SELENOT: variants seen among roughly 807,000 people sequenced by gnomAD.
The protein encoded by SELENOT is selenoprotein T, also known as thioredoxin reductase-like selenoprotein T.
A neutral mutation model predicts 24.3 loss-of-function variants in SELENOT; 9 were observed. The ratio of observed to expected loss-of-function variants is 0.37; its 90% CI spans 0.22 to 0.65. The LOEUF (loss-of-function observed/expected upper bound fraction) is 0.65, where lower values mean the gene tolerates loss of function less well. Ranked by LOEUF, SELENOT falls within the 30% of genes least tolerant of loss-of-function variation. The pLI, the probability that SELENOT is intolerant of heterozygous loss-of-function variation, is 0.60. For missense variants in SELENOT, 166 were observed against 247.6 expected (o/e 0.67, Z 2.21); for synonymous variants, 81 against 86.0 (o/e 0.94, Z 0.32).
chr3:150,622,364 G>T (rs1576534229), intron 1 of SELENOT, 21 bp from the exon 2 acceptor site: 2 of 1,236,574 alleles, frequency 1.6e-6, no homozygotes. Context: ...TGACTTAATG[G>T]AAACACTTAT....
At chr3:150,613,378 A>T (rs933222331) in intron 1 of SELENOT, among the ~76,000 whole-genome samples, 2 of 152,222 alleles carry the variant, frequency 1.3e-5, no homozygotes, top group African/African-American at 4.8e-5. Context: ...ATAGCACAAC[A>T]TACTTGTTAA....
At chr3:150,616,558 C>G (rs1301920734) in intron 1 of SELENOT, among the ~76,000 whole-genome samples, 3 of 151,982 alleles carry the variant, frequency 2.0e-5, no homozygotes, top group African/African-American at 7.3e-5. Flanking sequence ...ACAGACACTT[C>G]TCAAAAGAAG....
At chr3:150,611,183 T>A in intron 1 of SELENOT, 1 of 732,296 alleles carries the variant, frequency 1.4e-6, no homozygotes, top group East Asian at 2.8e-5. Flanking sequence ...GCAGAAAAAA[T>A]ACACAAAGAA....
chr3:150,622,758 A>G, intron 2 of SELENOT, among the ~76,000 whole-genome samples: 1 of 152,180 alleles, frequency 6.6e-6, no homozygotes, highest in East Asian at 1.9e-4. Flanking sequence ...AAATAGAATA[A>G]CAATCCTAAA....
chr3:150,624,852 T>C lies in SELENOT; in HGVS notation c.416T>C (p.Ile139Thr), dbSNP rs1223393927. 1.3e-6 allele frequency: 2 copies of C among 1,564,890 alleles called. No homozygotes were observed. Among genetic ancestry groups the C allele is most frequent in the Non-Finnish European group, 1.7e-6 (2 of 1,153,084 alleles). ...CMMVFFLSNM[I>T]ENQCMSTGAF... Reference sequence around the variant, plus strand: ...ATGGTTTTCTTCTTGAGCAACATGATTGAGAACCAGTGTATGTCAACAGGT... The same window carrying C: ...ATGGTTTTCTTCTTGAGCAACATGACTGAGAACCAGTGTATGTCAACAGGT... Residue 139 changes from isoleucine to threonine, a missense_variant, in exon 4 of 6, where the codon ATT becomes ACT. By Grantham distance (89) the Ile-to-Thr change is moderately conservative. Transcript: ENST00000471696.
At chr3:150,620,032 A>G (rs1409789642) in intron 1 of SELENOT, among the ~76,000 whole-genome samples, 1 of 152,234 alleles carries the variant, frequency 6.6e-6, no homozygotes, top group East Asian at 1.9e-4. Context: ...TCAGATTATT[A>G]GCTAAATTCT....
intron 1 of SELENOT, among the ~76,000 whole-genome samples, chr3:150,619,104 T>C (rs9858682): frequency 0.83 from 126,526 of 151,860 alleles, 53,339 homozygotes; most frequent in East Asian, 1. Context: ...GCCTGTAGTC[T>C]CAGCTACTGG....
chr3:150,620,595 C>T (rs561059701), intron 1 of SELENOT, among the ~76,000 whole-genome samples: 1 of 152,284 alleles, frequency 6.6e-6, no homozygotes, highest in Non-Finnish European at 1.5e-5. Flanking sequence ...TGCATAACTT[C>T]GGAAAAGTCA....
rs372307656 is a variant in SELENOT at position 150,616,841 on chromosome 3, G to A, written c.138-5544G>A. Among the ~76,000 whole-genome samples, 20 of 152,304 alleles carry A rather than the reference G, an allele frequency of 1.3e-4. No individual in the cohort carries two copies. The East Asian group carries it at 2.3e-3, about 18-fold the overall frequency. ...TTTCTTGTAGAGACGAGGTTTTACC[G>A]TGTTACTCAGGCTGGTTTCAAACTC... On this transcript the variant is annotated intron_variant, in intron 1 of 5. Coordinates refer to ENST00000471696, the MANE Select transcript of SELENOT (RefSeq NM_016275.5).
chr3:150,622,314 G>T, intron 1 of SELENOT, 71 bp from the exon 2 acceptor site: 3 of 642,062 alleles, frequency 4.7e-6, no homozygotes, highest in Non-Finnish European at 4.7e-6. Flanking sequence ...TAATTTTTAG[G>T]CTTTAACTAA....
rs776154819 is a variant in SELENOT at position 150,603,511 on chromosome 3, C to T, written c.137+12C>T. ...AAGTTCCAGATTTGGTGAGTATGTG[C>T]ACTGGGCCCCGGCCACCCCGCCGCG... On this transcript the variant is annotated intron_variant, in intron 1 of 5. Coordinates refer to ENST00000471696, the MANE Select transcript of SELENOT (RefSeq NM_016275.5). 4.4e-6 allele frequency: 7 copies of T among 1,573,058 alleles called. No homozygotes were observed. The South Asian group carries it at 6.8e-5, about 15-fold the overall frequency.
Position 150,622,380 on chromosome 3 carries a change from T to G in SELENOT, c.138-5T>G, listed in dbSNP as rs766112503. On this transcript the variant is annotated splice_region_variant and splice_polypyrimidine_tract_variant and intron_variant, in intron 1 of 5. Coordinates refer to ENST00000471696, the MANE Select transcript of SELENOT (RefSeq NM_016275.5). ...GACTTAATGGAAACACTTATTTTTC[T>G]GCAGTGTTTCCTGAGGTTATAGGCG... The G allele has an allele frequency of 7.4e-7, 1 of 1,353,744 alleles. No homozygotes were observed. The highest frequency in any genetic ancestry group is 9.8e-7 in the Non-Finnish European group (1 of 1,020,830). The allele number at this position is 1,353,744 out of a possible 1,614,324, so 83.9% of individuals were successfully genotyped here.
In SELENOT at chr3:150,627,128, A is replaced by G; in HGVS notation, c.582A>G (p.Arg194=). 6.2e-7 allele frequency: 1 copy of G among 1,613,086 alleles called. No individual in the cohort carries two copies. Among genetic ancestry groups the G allele is most frequent in the Non-Finnish European group, 8.5e-7 (1 of 1,179,440 alleles). The change falls in exon 5 of 6, where the codon CGA becomes CGG. Residue 194 remains arginine, a synonymous_variant. Coordinates refer to ENST00000471696, the MANE Select transcript of SELENOT (RefSeq NM_016275.5). ...ATATGGATTCAATCCCACACCATCG[A>G]TCATAGCACCACCTATCAGCACTGA... ...NVHMDSIPHH[R]S
intron 1 of SELENOT, among the ~76,000 whole-genome samples, chr3:150,619,476 C>T (rs574213057): frequency 6.6e-6 from 1 of 152,152 alleles, no homozygotes; most frequent in South Asian, 2.1e-4. Flanking sequence ...GCGGAGTTTG[C>T]AGTGAGCCGA....
At chr3:150,620,573 T>C (rs1726321110) in intron 1 of SELENOT, among the ~76,000 whole-genome samples, 1 of 152,190 alleles carries the variant, frequency 6.6e-6, no homozygotes, top group Non-Finnish European at 1.5e-5. Context: ...GTGAGTGAAA[T>C]AATACATTGG....
intron 1 of SELENOT, among the ~76,000 whole-genome samples, chr3:150,619,894 A>G (rs538513968): frequency 2.0e-5 from 3 of 152,324 alleles, no homozygotes; most frequent in African/African-American, 7.2e-5. Context: ...TGGTTTTCAC[A>G]AGTCTGGAAG....
intron 1 of SELENOT, among the ~76,000 whole-genome samples, chr3:150,617,477 A>G (rs1292954085): frequency 2.6e-5 from 4 of 152,202 alleles, no homozygotes; most frequent in Admixed American, 6.5e-5. Flanking sequence ...GCACATGCCT[A>G]TAGTACCAGT....
chr3:150,627,093 C>A lies in SELENOT; in HGVS notation c.547C>A (p.Leu183Ile). ...TCAAATTCTTGACAATGAAATGAAG[C>A]TCAATGTGCATATGGATTCAATCCC... ...LVQILDNEMKLNVHMDSIPHH... is the reference protein window; with the variant it reads ...LVQILDNEMKINVHMDSIPHH... The change falls in exon 5 of 6, where the codon CTC (leucine) becomes ATC (isoleucine). Residue 183 changes from leucine to isoleucine, a missense_variant. Physicochemically the swap from Leu to Ile is conservative, Grantham distance 5. This residue lies in a region of SELENOT where 44 missense variants were observed against 72.2 expected (regional missense o/e 0.61). Coordinates refer to ENST00000471696, the MANE Select transcript of SELENOT (RefSeq NM_016275.5). 3.1e-6 allele frequency: 5 copies of A among 1,613,700 alleles called. No individual in the cohort carries two copies. The South Asian group carries it at 4.4e-5, about 14-fold the overall frequency.
At chr3:150,623,871 G>T (rs1726388107) in intron 3 of SELENOT, among the ~76,000 whole-genome samples, 1 of 151,878 alleles carries the variant, frequency 6.6e-6, no homozygotes, top group Non-Finnish European at 1.5e-5. Context: ...TTTTTCTCAT[G>T]GATTAGATTT....
Sources: gnomAD v4.1 joint callset for allele counts (sites outside exome capture counted in the v4.1 genomes callset) on GRCh38, gnomAD v4.1.1 for gene constraint, gnomAD v4.1.1 regional missense constraint, MANE v1.5 for transcripts, NCBI Gene and HGNC (gene_info 2026-07-23, HGNC 2026-07-21) for gene names.